The following GALNT2 variants were observed in gnomAD, a reference collection of about 807,000 sequenced individuals.
GALNT2 encodes the protein UDP-GalNAc:polypeptide N-acetylgalactosaminyltransferase 2.
GALNT2 carries 31 observed loss-of-function variants against 81.4 expected under a neutral mutation model. The observed-to-expected ratio is 0.38, with a 90% CI of 0.29 to 0.51. The LOEUF is 0.51. GALNT2 is among the 20% of genes least tolerant of loss of function. The pLI, the probability that GALNT2 is intolerant of heterozygous loss-of-function variation, is 0.87. For missense variants in GALNT2, 629 were observed against 765.7 expected (o/e 0.82, Z 2.11); for synonymous variants, 303 against 287.4 (o/e 1.05, Z -0.55).
intron 1 of GALNT2, among the ~76,000 whole-genome samples, chr1:230,148,238 G>A (rs1030243028): frequency 2.0e-5 from 3 of 152,208 alleles, no homozygotes; most frequent in Non-Finnish European, 2.9e-5. Flanking sequence ...TGGCCAGCTC[G>A]GGGCGTGCAC....
chr1:230,134,528 A>G (rs1449025975), intron 1 of GALNT2, among the ~76,000 whole-genome samples: 1 of 152,188 alleles, frequency 6.6e-6, no homozygotes, highest in Non-Finnish European at 1.5e-5. Flanking sequence ...AGCTGTATCT[A>G]TCTATCTGTG....
At chr1:230,167,153 G>T (rs1012327135) in intron 1 of GALNT2, among the ~76,000 whole-genome samples, 4 of 151,416 alleles carry the variant, frequency 2.6e-5, no homozygotes, top group Non-Finnish European at 5.9e-5. Context: ...TTTTTTGGTG[G>T]TGGGGGGTGA....
At chr1:230,112,031 G>C (rs148940142) in intron 1 of GALNT2, among the ~76,000 whole-genome samples, 2 of 152,270 alleles carry the variant, frequency 1.3e-5, no homozygotes, top group Non-Finnish European at 2.9e-5. Flanking sequence ...GGGACATGGT[G>C]GGGAGGTGTC....
chr1:230,150,412 C>T (rs894854495), intron 1 of GALNT2, among the ~76,000 whole-genome samples: 1 of 152,210 alleles, frequency 6.6e-6, no homozygotes, highest in African/African-American at 2.4e-5. Context: ...CTTTTTCAAC[C>T]TTTGAAACGG....
At chr1:230,126,558 C>T (rs974404529) in intron 1 of GALNT2, among the ~76,000 whole-genome samples, 2 of 152,120 alleles carry the variant, frequency 1.3e-5, no homozygotes, top group Admixed American at 6.5e-5. Flanking sequence ...TCCTGCCTCG[C>T]GGGTAGAAAC....
At chr1:230,076,529 G>T (rs1365907456) in intron 1 of GALNT2, among the ~76,000 whole-genome samples, 2 of 152,096 alleles carry the variant, frequency 1.3e-5, no homozygotes, top group African/African-American at 4.8e-5. Context: ...GGAGAGGGGG[G>T]TTATTCTTGG....
At chr1:230,272,619 A>G (rs1288654848) in intron 14 of GALNT2, among the ~76,000 whole-genome samples, 1 of 152,096 alleles carries the variant, frequency 6.6e-6, no homozygotes, top group Non-Finnish European at 1.5e-5. Context: ...AGACAGGTGA[A>G]GGTGTCTTCA....
intron 2 of GALNT2, among the ~76,000 whole-genome samples, chr1:230,180,477 G>C (rs1384843319): frequency 6.6e-6 from 1 of 151,874 alleles, no homozygotes; most frequent in East Asian, 1.9e-4. Flanking sequence ...CTATTTTTCT[G>C]TTATTTTGCC....
At chr1:230,214,830 T>C (rs1345586009) in intron 3 of GALNT2, among the ~76,000 whole-genome samples, 1 of 152,230 alleles carries the variant, frequency 6.6e-6, no homozygotes, top group Non-Finnish European at 1.5e-5. Flanking sequence ...TTTGATTCCC[T>C]GTGTCTCAGT....
chr1:230,251,535 G>A (rs1456048419), intron 10 of GALNT2, among the ~76,000 whole-genome samples: 1 of 152,124 alleles, frequency 6.6e-6, no homozygotes, highest in Non-Finnish European at 1.5e-5. Context: ...TTACTATACT[G>A]CACGGGTGGA....
chr1:230,128,053 C>G (rs762397220), intron 1 of GALNT2, among the ~76,000 whole-genome samples: 4 of 152,186 alleles, frequency 2.6e-5, no homozygotes, highest in Non-Finnish European at 4.4e-5. Flanking sequence ...CTTTCCTTCT[C>G]TAGAGTTTCT....
At chr1:230,232,899 T>A (rs1664910424) in intron 3 of GALNT2, among the ~76,000 whole-genome samples, 1 of 152,200 alleles carries the variant, frequency 6.6e-6, no homozygotes, top group Non-Finnish European at 1.5e-5. Flanking sequence ...CAGACAACCG[T>A]GAACAGTTTC....
chr1:230,105,100 G>A lies in GALNT2; in HGVS notation c.126+37694G>A, dbSNP rs1199479844. ...AGGCTGGGGGTGTGGAAGGGAAGCT[G>A]CTGTGCTGTTAGATCCATTCTGCTA... is the stretch of plus-strand genomic sequence containing the variant. On this transcript the variant is annotated intron_variant, in intron 1 of 15. Transcript: ENST00000366672. Among the ~76,000 whole-genome samples, 3 of 152,202 alleles carry A rather than the reference G, an allele frequency of 2.0e-5. No individual in the cohort carries two copies. In the East Asian group the frequency reaches 5.8e-4, roughly 29 times the overall value.
At chr1:230,262,329 C>T (rs1484917649) in intron 11 of GALNT2, 3 of 474,786 alleles carry the variant, frequency 6.3e-6, no homozygotes, top group Non-Finnish European at 1.1e-5. Context: ...TGCCCTTTGA[C>T]CATCTGTGTG....
At position 230,151,450 on chromosome 1, in the gene GALNT2, G is replaced by A. The variant is rs576150149; in HGVS notation, c.127-26768G>A. On this transcript the variant is annotated intron_variant, in intron 1 of 15. Coordinates refer to ENST00000366672, the MANE Select transcript of GALNT2 (RefSeq NM_004481.5). ...CTTTGGGGCACAGGATGATGCCCTC[G>A]AAGTAATGCATGGTCTAGTTGTTTT... Among the ~76,000 whole-genome samples the A allele has an allele frequency of 1.8e-4, 28 of 152,324 alleles. No homozygotes were observed. The South Asian group carries it at 4.8e-3, about 26-fold the overall frequency.
rs1663584985 is a variant in GALNT2 at position 230,193,281 on chromosome 1, T to C, written c.221-9856T>C. Among the ~76,000 whole-genome samples, 1 of 152,180 alleles carries C rather than the reference T, an allele frequency of 6.6e-6. No individual in the cohort carries two copies. Among genetic ancestry groups the C allele is most frequent in the African/African-American group, 2.4e-5 (1 of 41,444 alleles). On this transcript the variant is annotated intron_variant, in intron 2 of 15. Transcript: ENST00000366672. The surrounding 1 kb of genome is among the most constrained non-coding windows in gnomAD (Gnocchi z 4.3). ...TCCTGCAGCCTGAATCCACTGAGAC[T>C]CTCAGTTTCCTGCACAACGGGACCT...
At chr1:230,145,650 C>T (rs771720054) in intron 1 of GALNT2, among the ~76,000 whole-genome samples, 2 of 152,252 alleles carry the variant, frequency 1.3e-5, no homozygotes, top group Non-Finnish European at 2.9e-5. Flanking sequence ...TTGAAAGCCA[C>T]CCACCTTGGC....
intron 1 of GALNT2, among the ~76,000 whole-genome samples, chr1:230,059,009 A>T (rs920980633): frequency 8.5e-5 from 13 of 152,194 alleles, no homozygotes; most frequent in African/African-American, 3.1e-4. Context: ...AGTTCCCATT[A>T]TCCAATTTCA....
chr1:230,219,609 A>T (rs889072486), intron 3 of GALNT2, among the ~76,000 whole-genome samples: 1 of 152,008 alleles, frequency 6.6e-6, no homozygotes, highest in Non-Finnish European at 1.5e-5. Flanking sequence ...GGACACCTGG[A>T]TCCCCCTCCT....
Sources: allele counts gnomAD v4.1 joint callset (sites outside exome capture counted in the v4.1 genomes callset), GRCh38; gene constraint gnomAD v4.1.1; non-coding constraint Gnocchi (gnomAD v3.1); transcripts MANE v1.5; gene names NCBI Gene and HGNC (gene_info 2026-07-23, HGNC 2026-07-21).